OXR1: variants seen among roughly 807,000 people sequenced by gnomAD.
The protein encoded by OXR1 is oxidation resistance 1.
OXR1 carries 41 observed loss-of-function variants against 104.6 expected under a neutral mutation model. The observed-to-expected ratio is 0.39, with a 90% CI of 0.31 to 0.51. The LOEUF is 0.51. OXR1 is among the 20% of genes least tolerant of loss of function. OXR1 has a pLI of 0.77. For missense variants in OXR1, 955 were observed against 1,031.9 expected (o/e 0.93, Z 1.02); for synonymous variants, 348 against 348.4 (o/e 1.00, Z 0.01).
chr8:106,438,354 G>A (rs904293475), intron 2 of OXR1, among the ~76,000 whole-genome samples: 1 of 151,962 alleles, frequency 6.6e-6, no homozygotes, highest in Non-Finnish European at 1.5e-5. Context: ...TGCTGTAAAT[G>A]AAAAACACAC....
intron 1 of OXR1, among the ~76,000 whole-genome samples, chr8:106,291,198 T>C (rs927178217): frequency 7.2e-5 from 11 of 152,172 alleles, no homozygotes; most frequent in African/African-American, 2.2e-4. Flanking sequence ...GAAGACCAAA[T>C]ACTGCATGTT....
chr8:106,683,690 T>C (rs939573982), intron 5 of OXR1, among the ~76,000 whole-genome samples: 1 of 152,058 alleles, frequency 6.6e-6, no homozygotes, highest in Non-Finnish European at 1.5e-5. Context: ...CTAGCCTACT[T>C]TTGTTGTTGT....
chr8:106,287,294 G>A (rs1321519903), intron 1 of OXR1, among the ~76,000 whole-genome samples: 2 of 152,132 alleles, frequency 1.3e-5, no homozygotes, highest in Non-Finnish European at 2.9e-5. Flanking sequence ...GTATTATTAA[G>A]ATTCACTTTA....
intron 2 of OXR1, among the ~76,000 whole-genome samples, chr8:106,361,501 G>A (rs1173671905): frequency 1.3e-5 from 2 of 152,156 alleles, no homozygotes; most frequent in Non-Finnish European, 2.9e-5. Flanking sequence ...CATTTGGGTT[G>A]CCCAAGTGCT....
intron 6 of OXR1, among the ~76,000 whole-genome samples, chr8:106,691,680 G>A (rs1236225548): frequency 6.7e-6 from 1 of 149,110 alleles, no homozygotes; most frequent in Non-Finnish European, 1.5e-5. Context: ...GACTAATGCG[G>A]TTAACTCAGT....
intron 2 of OXR1, among the ~76,000 whole-genome samples, chr8:106,391,616 C>A (rs572626101): frequency 6.6e-6 from 1 of 152,126 alleles, no homozygotes; most frequent in Admixed American, 6.6e-5. Flanking sequence ...ATGTTTTTTT[C>A]AAACCACAGT....
chr8:106,438,526 A>G (rs1428763106), intron 2 of OXR1, among the ~76,000 whole-genome samples: 2 of 152,170 alleles, frequency 1.3e-5, no homozygotes, highest in African/African-American at 4.8e-5. Context: ...TTAAAATTAC[A>G]TATATGGCTT....
intron 1 of OXR1, among the ~76,000 whole-genome samples, chr8:106,341,043 A>T (rs1815225037): frequency 6.6e-6 from 1 of 152,180 alleles, no homozygotes; most frequent in Non-Finnish European, 1.5e-5. Context: ...TGTCTGCCTT[A>T]AAAGCAGTCA....
At chr8:106,404,715 T>G (rs1218008441) in intron 2 of OXR1, among the ~76,000 whole-genome samples, 1 of 151,046 alleles carries the variant, frequency 6.6e-6, no homozygotes, top group Non-Finnish European at 1.5e-5. Flanking sequence ...CCTTGCTTAT[T>G]TTTTTTTTGA....
At chr8:106,577,641 C>T (rs1563618154) in intron 3 of OXR1, among the ~76,000 whole-genome samples, 1 of 152,138 alleles carries the variant, frequency 6.6e-6, no homozygotes, top group East Asian at 1.9e-4. Context: ...CCACCTTCCT[C>T]GGCTTCCCAA....
chr8:106,560,567 G>A (rs535880595), intron 3 of OXR1, among the ~76,000 whole-genome samples: 10 of 152,260 alleles, frequency 6.6e-5, no homozygotes, highest in African/African-American at 2.2e-4. Context: ...TGCTGAGCAG[G>A]GGTGCTGACC....
At chr8:106,285,380 T>C (rs1812453846) in intron 1 of OXR1, among the ~76,000 whole-genome samples, 1 of 152,188 alleles carries the variant, frequency 6.6e-6, no homozygotes, top group Admixed American at 6.5e-5. Context: ...ATTTTTAGTG[T>C]TAACTACCAG....
intron 3 of OXR1, among the ~76,000 whole-genome samples, chr8:106,535,347 T>C (rs1814430027): frequency 6.6e-6 from 1 of 152,152 alleles, no homozygotes; most frequent in South Asian, 2.1e-4. Context: ...AAATTATGAA[T>C]CTGGACATCT....
chr8:106,382,946 T>C (rs936199345), intron 2 of OXR1, among the ~76,000 whole-genome samples: 1 of 151,942 alleles, frequency 6.6e-6, no homozygotes, highest in African/African-American at 2.4e-5. Context: ...TTAGCTACTC[T>C]GATTTTGTGC....
At chr8:106,605,860 C>T (rs1322003774) in intron 3 of OXR1, among the ~76,000 whole-genome samples, 4 of 151,528 alleles carry the variant, frequency 2.6e-5, no homozygotes, top group Non-Finnish European at 5.9e-5. Context: ...AATCTGATAT[C>T]TCCCACTTCC....
chr8:106,388,971 T>C (rs1817491971), intron 2 of OXR1, among the ~76,000 whole-genome samples: 3 of 152,186 alleles, frequency 2.0e-5, no homozygotes, highest in Admixed American at 2.0e-4. Context: ...TGTCTGAGAA[T>C]TATATAATGA....
At chr8:106,552,333 A>G (rs1815906385) in intron 3 of OXR1, among the ~76,000 whole-genome samples, 1 of 152,098 alleles carries the variant, frequency 6.6e-6, no homozygotes, top group Non-Finnish European at 1.5e-5. Flanking sequence ...TTATGAGTCT[A>G]TTCTAAGTAG....
chr8:106,342,382 C>T (rs981395295), intron 1 of OXR1, among the ~76,000 whole-genome samples: 3 of 151,880 alleles, frequency 2.0e-5, no homozygotes, highest in African/African-American at 7.3e-5. Flanking sequence ...TCCTGAGTAG[C>T]TGGGATTACA....
rs569766595 is a variant in OXR1 at position 106,481,701 on chromosome 8, C to T, written c.24-37242C>T. Reference sequence around the variant, plus strand: ...ACCAACTCAATTTTGCCACCTGTTACTTTAAAATTTTAACCTGTTTTACTT... The same window carrying T: ...ACCAACTCAATTTTGCCACCTGTTATTTTAAAATTTTAACCTGTTTTACTT... On this transcript the variant is annotated intron_variant, in intron 2 of 16. Coordinates refer to ENST00000517566, the MANE Select transcript of OXR1 (RefSeq NM_001198533.2). Among the ~76,000 whole-genome samples, 15 of 152,118 alleles carry T rather than the reference C, an allele frequency of 9.9e-5. No homozygotes were observed. The South Asian group carries it at 3.1e-3, about 32-fold the overall frequency.
Sources: gnomAD v4.1 joint callset for allele counts (sites outside exome capture counted in the v4.1 genomes callset) on GRCh38, gnomAD v4.1.1 for gene constraint, MANE v1.5 for transcripts, NCBI Gene and HGNC (gene_info 2026-07-23, HGNC 2026-07-21) for gene names.